MYCBP2: variants seen among roughly 807,000 people sequenced by gnomAD.
MYCBP2 encodes E3 ubiquitin-protein ligase MYCBP2.
Under a neutral mutation model 525.3 loss-of-function variants are expected in MYCBP2, and 120 were observed. That is an observed-to-expected ratio of 0.23 (90% confidence interval 0.20 to 0.27). The LOEUF (loss-of-function observed/expected upper bound fraction) is 0.27, where lower values mean the gene tolerates loss of function less well. MYCBP2 is among the 10% of genes least tolerant of loss of function. The probability of loss-of-function intolerance (pLI) is 1.00; values close to 1 mark genes in which losing one functional copy is unlikely to be tolerated. For synonymous variants in MYCBP2, 1,894 were observed against 1,955.8 expected, an observed-to-expected ratio of 0.97 and a Z score of 0.83; for missense variants, 4,149 against 5,657.1, an observed-to-expected ratio of 0.73 and a Z score of 8.55.
chr13:77,260,673 A>T (rs989844103), intron 12 of MYCBP2, 81 bp from the exon 13 acceptor site: 17 of 1,240,288 alleles, frequency 1.4e-5, no homozygotes, highest in Non-Finnish European at 1.7e-5. Context: ...AGCTAAAAAA[A>T]AAACCCATAT....
intron 26 of MYCBP2, among the ~76,000 whole-genome samples, chr13:77,200,045 T>C (rs1223276162): frequency 6.6e-6 from 1 of 152,212 alleles, no homozygotes; most frequent in Non-Finnish European, 1.5e-5. Context: ...GGATGGAGAA[T>C]GACTTTGACG....
chr13:77,270,095 G>C (rs1169232558), intron 6 of MYCBP2, 32 bp from the exon 7 acceptor site: 11 of 1,552,836 alleles, frequency 7.1e-6, no homozygotes, highest in Non-Finnish European at 8.7e-6. Context: ...GTATATCAGT[G>C]GTTTCATAAT....
Position 77,077,319 on chromosome 13 carries a change from T to C in MYCBP2, c.11553A>G (p.Ile3851Met). 1 of 1,614,038 alleles carries C rather than the reference T, an allele frequency of 6.2e-7. No individual in the cohort carries two copies. The highest frequency in any genetic ancestry group is 8.5e-7 in the Non-Finnish European group (1 of 1,179,938). Reference protein sequence around the residue: ...SELPGGDNHIIKIELKGPENT... With the variant: ...SELPGGDNHIMKIELKGPENT... Reference sequence around the variant, plus strand: ...TTTCTGGGCCTTTTAATTCAATTTTTATGATGTGATTATCCCCTCCTGGAA... The same window carrying C: ...TTTCTGGGCCTTTTAATTCAATTTTCATGATGTGATTATCCCCTCCTGGAA... The change falls in exon 67 of 83, where the codon ATA (isoleucine) becomes ATG (methionine). Residue 3851 changes from isoleucine (I) to methionine (M), a missense_variant. Ile to Met is a conservative substitution (Grantham distance 10). Around this residue, in one of 21 missense-constraint regions of MYCBP2, gnomAD observed 509 missense variants for 789.4 expected, o/e 0.64. Transcript: ENST00000544440.
At chr13:77,293,387 T>C (rs2077700635) in intron 2 of MYCBP2, among the ~76,000 whole-genome samples, 1 of 152,198 alleles carries the variant, frequency 6.6e-6, no homozygotes, top group Non-Finnish European at 1.5e-5. Context: ...GTAACTCTCT[T>C]TGGCAGCACA....
At chr13:77,296,725 C>A in intron 1 of MYCBP2, 51 bp from the exon 2 acceptor site, 1 of 1,199,244 alleles carries the variant, frequency 8.3e-7, no homozygotes, top group Non-Finnish European at 1.1e-6. Flanking sequence ...CATATTAGGA[C>A]ATACAAAGCT....
intron 24 of MYCBP2, among the ~76,000 whole-genome samples, chr13:77,205,894 A>G (rs933074955): frequency 6.6e-6 from 1 of 152,178 alleles, no homozygotes; most frequent in Non-Finnish European, 1.5e-5. Flanking sequence ...TGAAACTCCA[A>G]ATTAGTTTGA....
chr13:77,076,876 A>G, intron 67 of MYCBP2, 27 bp from the exon 68 acceptor site: 1 of 1,515,996 alleles, frequency 6.6e-7, no homozygotes, highest in Non-Finnish European at 9.1e-7. Context: ...TGTGAGAAGG[A>G]ATTAATGACA....
chr13:77,080,643 GT>G (rs1234472095), intron 65 of MYCBP2: 10 of 152,280 alleles, frequency 6.6e-5, no homozygotes, highest in African/African-American at 2.4e-4. Context: ...CTGTGGCAAA[GT>G]AGACACTTGA....
intron 49 of MYCBP2, among the ~76,000 whole-genome samples, chr13:77,142,121 A>ATT (rs1302041079): frequency 6.6e-6 from 1 of 152,214 alleles, no homozygotes; most frequent in Admixed American, 6.5e-5. Flanking sequence ...TTTTACCAGA[A>ATT]TTTTTAGAGA....
At chr13:77,198,892 C>G (rs2062067481) in intron 26 of MYCBP2, among the ~76,000 whole-genome samples, 1 of 152,218 alleles carries the variant, frequency 6.6e-6, no homozygotes, top group Non-Finnish European at 1.5e-5. Flanking sequence ...GCTAGGCCAC[C>G]AGAAGTTCCA....
Position 77,156,142 on chromosome 13 carries a change from A to C in MYCBP2, c.6831T>G (p.Asp2277Glu). 6.2e-7 allele frequency: 1 copy of C among 1,614,064 alleles called. No individual in the cohort carries two copies. Among genetic ancestry groups the C allele is most frequent in the Non-Finnish European group, 8.5e-7 (1 of 1,179,930 alleles). Residue 2277 changes from aspartate to glutamate, a missense_variant, in exon 46 of 83, where the codon GAT becomes GAG. Transcript: ENST00000544440. ...PQKTSLILNK[D>E]DIRCGWPTTI... Reference sequence around the variant, plus strand: ...TGGTAGGCCAACCACAACGAATATCATCCTTATTCAGGATCAAAGATGTTT... The same window carrying C: ...TGGTAGGCCAACCACAACGAATATCCTCCTTATTCAGGATCAAAGATGTTT...
At chr13:77,177,709 C>T (rs374396426) in intron 35 of MYCBP2, 39 bp downstream of exon 35, 41 of 1,487,592 alleles carry the variant, frequency 2.8e-5, no homozygotes, top group Middle Eastern at 1.7e-4. Context: ...TGATACACAA[C>T]CCACTAATCA....
chr13:77,232,414 T>A (rs1337951948), intron 18 of MYCBP2, among the ~76,000 whole-genome samples: 3 of 152,166 alleles, frequency 2.0e-5, no homozygotes, highest in African/African-American at 7.2e-5. Flanking sequence ...ATTTATAAAT[T>A]CCTTGTATTA....
At chr13:77,309,359 C>T (rs2079869912) in intron 1 of MYCBP2, among the ~76,000 whole-genome samples, 1 of 152,170 alleles carries the variant, frequency 6.6e-6, no homozygotes, top group African/African-American at 2.4e-5. Context: ...ATATACTGAA[C>T]ATAATGTATC....
chr13:77,093,086 C>A (rs1021711972), intron 59 of MYCBP2, 79 bp downstream of exon 59: 24 of 1,390,210 alleles, frequency 1.7e-5, no homozygotes, highest in Non-Finnish European at 2.1e-5. Context: ...TAAAGAACTT[C>A]TACAGGACTC....
chr13:77,200,413 T>A (rs1189285107), intron 26 of MYCBP2, among the ~76,000 whole-genome samples: 1 of 151,892 alleles, frequency 6.6e-6, no homozygotes, highest in African/African-American at 2.4e-5. Flanking sequence ...AATCTACGTC[T>A]GATTGGTGTA....
chr13:77,138,562 T>C (rs963976752), intron 52 of MYCBP2, among the ~76,000 whole-genome samples: 2 of 152,228 alleles, frequency 1.3e-5, no homozygotes, highest in Non-Finnish European at 2.9e-5. Context: ...CTTTCCTGGT[T>C]AATATATAAA....
At chr13:77,071,753 A>G (rs1455943843) in intron 68 of MYCBP2, among the ~76,000 whole-genome samples, 1 of 152,240 alleles carries the variant, frequency 6.6e-6, no homozygotes. Context: ...AACCCCTCAA[A>G]GAAGAACAGC....
intron 1 of MYCBP2, among the ~76,000 whole-genome samples, chr13:77,301,053 T>C (rs2078733645): frequency 6.6e-6 from 1 of 152,108 alleles, no homozygotes; most frequent in Admixed American, 6.5e-5. Context: ...AAGCTCTAGA[T>C]ACATAGACAG....
Sources: allele counts gnomAD v4.1 joint callset (sites outside exome capture counted in the v4.1 genomes callset), GRCh38; gene constraint gnomAD v4.1.1; regional missense constraint gnomAD v4.1.1; transcripts MANE v1.5; gene names NCBI Gene and HGNC (gene_info 2026-07-23, HGNC 2026-07-21).